Variants in NKAIN3 observed in about 807,000 individuals in gnomAD.
The protein encoded by NKAIN3 is sodium/potassium-transporting ATPase subunit beta-1-interacting protein 3.
Under a neutral mutation model 30.2 loss-of-function variants are expected in NKAIN3, and 25 were observed. That is an observed-to-expected ratio of 0.83 (90% CI 0.60 to 1.16). NKAIN3 has a LOEUF of 1.16. NKAIN3 is among the 50% of genes most tolerant of loss of function. NKAIN3 has a pLI of 0.00. For missense variants in NKAIN3, 225 were observed against 254.1 expected (o/e 0.89, Z 0.78); for synonymous variants, 91 against 89.6 (o/e 1.02, Z -0.09).
chr8:62,736,361 T>A (rs756567388), intron 3 of NKAIN3, among the ~76,000 whole-genome samples: 1 of 152,144 alleles, frequency 6.6e-6, no homozygotes, highest in Non-Finnish European at 1.5e-5. Flanking sequence ...CTGTGGTTAC[T>A]GTGGGGGTTG....
chr8:62,819,423 C>T (rs1216110994), intron 4 of NKAIN3, among the ~76,000 whole-genome samples: 2 of 151,798 alleles, frequency 1.3e-5, no homozygotes, highest in Non-Finnish European at 2.9e-5. Flanking sequence ...TTTGGAAATT[C>T]CCATAATAAA....
At chr8:62,584,408 C>T (rs1207699174) in intron 2 of NKAIN3, among the ~76,000 whole-genome samples, 13 of 152,156 alleles carry the variant, frequency 8.5e-5, no homozygotes, top group Non-Finnish European at 7.4e-5. Context: ...AGACAGGGTT[C>T]ATCACAGCTG....
chr8:62,850,722 C>T (rs1030812308), intron 4 of NKAIN3, among the ~76,000 whole-genome samples: 4 of 151,662 alleles, frequency 2.6e-5, no homozygotes, highest in Admixed American at 2.6e-4. Flanking sequence ...AATCCTTTCC[C>T]CATTGCTTGT....
intron 1 of NKAIN3, among the ~76,000 whole-genome samples, chr8:62,470,834 TA>T (rs1351602571): frequency 1.1e-4 from 16 of 148,022 alleles, no homozygotes; most frequent in East Asian, 3.9e-4. Context: ...TAAATGCAGT[TA>T]AAAAAAAAAC....
At chr8:62,612,378 C>T (rs370404800) in intron 3 of NKAIN3, among the ~76,000 whole-genome samples, 1 of 151,936 alleles carries the variant, frequency 6.6e-6, no homozygotes, top group South Asian at 2.1e-4. Context: ...CCCTCTTTGT[C>T]ACTCCCTATA....
At chr8:62,479,148 C>T (rs1216707791) in intron 1 of NKAIN3, among the ~76,000 whole-genome samples, 2 of 152,190 alleles carry the variant, frequency 1.3e-5, no homozygotes, top group Non-Finnish European at 2.9e-5. Flanking sequence ...TTCACCAAAC[C>T]TGAGGACTTT....
chr8:62,981,927 A>G lies in NKAIN3; in HGVS notation c.*16520A>G, dbSNP rs1199956841. 6.6e-5 allele frequency: 10 copies of G among 152,192 alleles called. No individual in the cohort carries two copies. The highest frequency in any genetic ancestry group is 6.5e-4 in the Admixed American group (10 of 15,272). 9.4% of individuals were successfully genotyped at this position (152,192 alleles called of 1,614,324 possible). A position where few individuals can be genotyped will look rare whatever the true frequency, so the allele number is the denominator to read the frequency against. ...CTCTTAACGATACACAGTTCGAATT[A>G]TCTAAATGAAATAATTTTCAAGCAC... On this transcript the variant is annotated 3_prime_UTR_variant, in exon 7 of 7. Transcript: ENST00000623646.
At chr8:62,308,957 A>G (rs1012417424) in intron 1 of NKAIN3, among the ~76,000 whole-genome samples, 1 of 150,526 alleles carries the variant, frequency 6.6e-6, no homozygotes, top group African/African-American at 2.5e-5. Context: ...TCATTTACTC[A>G]ACCATGTGTT....
intron 4 of NKAIN3, among the ~76,000 whole-genome samples, chr8:62,895,024 TAGGTTTTA>T (rs1294756330): frequency 6.6e-6 from 1 of 152,190 alleles, no homozygotes; most frequent in African/African-American, 2.4e-5. Flanking sequence ...AAGCCTAAAG[TAGGTTTTA>T]AGGTTTTAAG....
chr8:62,726,440 T>C (rs757294801), intron 3 of NKAIN3, among the ~76,000 whole-genome samples: 2 of 152,078 alleles, frequency 1.3e-5, no homozygotes, highest in Non-Finnish European at 2.9e-5. Context: ...CTGTATTATA[T>C]GGCTTTTCTT....
At chr8:62,945,203 G>A (rs1279482550) in intron 5 of NKAIN3, among the ~76,000 whole-genome samples, 1 of 152,078 alleles carries the variant, frequency 6.6e-6, no homozygotes, top group Non-Finnish European at 1.5e-5. Flanking sequence ...ATAGTGATAA[G>A]TATAAAAGAG....
intron 1 of NKAIN3, among the ~76,000 whole-genome samples, chr8:62,442,071 TA>T (rs1173253151): frequency 6.6e-6 from 1 of 152,062 alleles, no homozygotes; most frequent in African/African-American, 2.4e-5. Flanking sequence ...GAACATGATA[TA>T]TTTTTGTAAA....
rs78001609 is a variant in NKAIN3, at chr8:62,706,344, G to T, written c.274-40588G>T. Among the ~76,000 whole-genome samples the T allele has an allele frequency of 5.1e-3, 783 of 152,226 alleles. 3 individuals carry two copies. The highest frequency in any genetic ancestry group is 0.017 in the African/African-American group (727 of 41,556). Reference sequence around the variant, plus strand: ...ATTTTTAGGGGAGGAGGGACATGCAGCAGTGAAACATCAGATATATATTTG... The same window carrying T: ...ATTTTTAGGGGAGGAGGGACATGCATCAGTGAAACATCAGATATATATTTG... On this transcript the variant is annotated intron_variant, in intron 3 of 6. Coordinates refer to ENST00000623646, the MANE Select transcript of NKAIN3 (RefSeq NM_001304533.3).
chr8:62,917,325 C>T (rs1003932425), intron 4 of NKAIN3, among the ~76,000 whole-genome samples: 1 of 152,200 alleles, frequency 6.6e-6, no homozygotes, highest in African/African-American at 2.4e-5. Context: ...TTCGCAGCAC[C>T]CCCTCACCTG....
At chr8:62,681,869 A>T (rs1223336872) in intron 3 of NKAIN3, among the ~76,000 whole-genome samples, 1 of 152,218 alleles carries the variant, frequency 6.6e-6, no homozygotes, top group African/African-American at 2.4e-5. Flanking sequence ...CTGCTCTCAG[A>T]GGCAGGCTGC....
chr8:62,852,977 G>C (rs1273824918), intron 4 of NKAIN3, among the ~76,000 whole-genome samples: 1 of 152,154 alleles, frequency 6.6e-6, no homozygotes, highest in Non-Finnish European at 1.5e-5. Flanking sequence ...GGTCCACTTG[G>C]TGCAGAGCTG....
chr8:62,876,900 C>T (rs58442142), intron 4 of NKAIN3, among the ~76,000 whole-genome samples: 6,594 of 151,748 alleles, frequency 0.043, 430 homozygotes, highest in African/African-American at 0.14. Flanking sequence ...AACAAAACTG[C>T]ACGTTCTGCA....
intron 4 of NKAIN3, chr8:62,863,579 A>G: frequency 1.7e-6 from 2 of 1,151,888 alleles, no homozygotes; most frequent in Non-Finnish European, 2.6e-6. Context: ...GCAGACATGT[A>G]TCCCATTCAT....
chr8:62,650,988 T>G (rs1563500379), intron 3 of NKAIN3, among the ~76,000 whole-genome samples: 1 of 152,146 alleles, frequency 6.6e-6, no homozygotes, highest in Non-Finnish European at 1.5e-5. Context: ...ATTCTTTTGT[T>G]TTGTTTTTGC....
Sources: allele counts gnomAD v4.1 joint callset (sites outside exome capture counted in the v4.1 genomes callset), GRCh38; gene constraint gnomAD v4.1.1; transcripts MANE v1.5; gene names NCBI Gene and HGNC (gene_info 2026-07-23, HGNC 2026-07-21).